Variants in CAST observed in about 807,000 individuals in gnomAD.
CAST encodes calpastatin, also known as MIR583 host.
In CAST, 76 loss-of-function variants were observed where a neutral mutation model predicts 119.6. That is an observed-to-expected ratio of 0.64 (90% CI 0.53 to 0.77). CAST has a LOEUF of 0.77. Ranked by LOEUF, CAST falls within the 30% of genes least tolerant of loss-of-function variation. CAST has a pLI of 0.00. For missense variants in CAST, 953 were observed against 946.5 expected (o/e 1.01, Z -0.09); for synonymous variants, 319 against 331.6 (o/e 0.96, Z 0.41).
the CAST span, among the ~76,000 whole-genome samples, chr5:96,190,442 C>T: frequency 6.6e-6 from 1 of 152,154 alleles, no homozygotes; most frequent in African/African-American, 2.4e-5. Flanking sequence ...AAGAACCTTC[C>T]ACAGAGTTCC....
At chr5:95,977,168 A>G in the CAST span, among the ~76,000 whole-genome samples, 1 of 152,248 alleles carries the variant, frequency 6.6e-6, no homozygotes, top group Non-Finnish European at 1.5e-5. Flanking sequence ...TAATGCCACA[A>G]ACTGGGCAAC....
chr5:96,566,393 T>C (rs1392068045), intron 1 of CAST, among the ~76,000 whole-genome samples: 1 of 152,196 alleles, frequency 6.6e-6, no homozygotes, highest in African/African-American at 2.4e-5. Flanking sequence ...AGGGAAGACA[T>C]TAGTGAAAAG....
chr5:96,335,836 T>A, the CAST span, among the ~76,000 whole-genome samples: 1 of 152,202 alleles, frequency 6.6e-6, no homozygotes, highest in Non-Finnish European at 1.5e-5. Context: ...GCCTTGACTT[T>A]TTTCTTCTCC....
chr5:96,629,320 G>A (rs1026481688), intron 1 of CAST, among the ~76,000 whole-genome samples: 1 of 152,112 alleles, frequency 6.6e-6, no homozygotes, highest in Non-Finnish European at 1.5e-5. Flanking sequence ...CCAGAACCAT[G>A]AGCTGAATAA....
the CAST span, among the ~76,000 whole-genome samples, chr5:96,386,436 G>A: frequency 6.6e-6 from 1 of 152,172 alleles, no homozygotes; most frequent in Admixed American, 6.5e-5. Flanking sequence ...GGAAAGGAAG[G>A]TTCACATTGG....
At chr5:96,012,057 A>G in the CAST span, among the ~76,000 whole-genome samples, 1 of 152,160 alleles carries the variant, frequency 6.6e-6, no homozygotes, top group African/African-American at 2.4e-5. Context: ...TAAATTAAAA[A>G]CAACTAATGA....
the CAST span, among the ~76,000 whole-genome samples, chr5:96,460,020 T>G: frequency 6.6e-6 from 1 of 152,146 alleles, no homozygotes; most frequent in African/African-American, 2.4e-5. Flanking sequence ...TGTTCTTTAG[T>G]TAACAATTCT....
chr5:96,291,843 C>CGTGTGTGTGTGTGTGTGTGT, the CAST span, among the ~76,000 whole-genome samples: 5 of 132,968 alleles, frequency 3.8e-5, no homozygotes, highest in African/African-American at 1.4e-4. Flanking sequence ...TCCCAGTCTG[C>CGTGTGTGTGTGTGTGTGTGT]GTGTGTGTGT....
intron 17 of CAST, among the ~76,000 whole-genome samples, chr5:96,746,729 T>C (rs7705827): frequency 0.24 from 36,119 of 152,164 alleles, 4,909 homozygotes; most frequent in Non-Finnish European, 0.32. Flanking sequence ...GGGGATAATT[T>C]CTTTTCTAAC....
chr5:96,265,918 TA>T, the CAST span, among the ~76,000 whole-genome samples: 1 of 151,376 alleles, frequency 6.6e-6, no homozygotes, highest in South Asian at 2.1e-4. Context: ...TTTCATTAGT[TA>T]AAAAAAAACT....
At chr5:96,650,031 A>T (rs1748072238) in intron 1 of CAST, among the ~76,000 whole-genome samples, 1 of 152,236 alleles carries the variant, frequency 6.6e-6, no homozygotes, top group Non-Finnish European at 1.5e-5. Context: ...ACAGTTGAAG[A>T]ATCTGAGTCA....
At chr5:96,642,484 T>A (rs1459726531) in intron 1 of CAST, among the ~76,000 whole-genome samples, 2 of 151,982 alleles carry the variant, frequency 1.3e-5, no homozygotes, top group Admixed American at 6.5e-5. Context: ...TTTGTGGCAC[T>A]ATTTGCATTG....
At chr5:96,345,299 A>G in the CAST span, among the ~76,000 whole-genome samples, 1 of 151,836 alleles carries the variant, frequency 6.6e-6, no homozygotes, top group Non-Finnish European at 1.5e-5. Flanking sequence ...TCTTTTTTGA[A>G]GAGTCCCTAA....
At chr5:96,752,552 AACCTCAGGGATT>A in intron 20 of CAST, among the ~76,000 whole-genome samples, 1 of 7,028 alleles carries the variant, frequency 1.4e-4, no homozygotes, top group Non-Finnish European at 3.0e-4. Context: ...CCTCAGGGAT[AACCTCAGGGATT>A]TTTTTTTTTT....
At chr5:96,358,481 T>G in the CAST span, among the ~76,000 whole-genome samples, 1 of 152,190 alleles carries the variant, frequency 6.6e-6, no homozygotes, top group South Asian at 2.1e-4. Context: ...GCTATAAATT[T>G]CCCCCTAAAC....
intron 1 of CAST, among the ~76,000 whole-genome samples, chr5:96,617,523 C>T (rs995070460): frequency 6.6e-6 from 1 of 152,010 alleles, no homozygotes; most frequent in South Asian, 2.1e-4. Flanking sequence ...GGCACGGTGG[C>T]TCATGCCTGT....
intron 1 of CAST, among the ~76,000 whole-genome samples, chr5:96,636,970 G>A (rs1282724161): frequency 1.3e-5 from 2 of 149,428 alleles, no homozygotes; most frequent in African/African-American, 2.5e-5. Flanking sequence ...GATCCTGGCA[G>A]GGGGGTCAGA....
the CAST span, among the ~76,000 whole-genome samples, chr5:96,066,042 T>G: frequency 6.6e-6 from 1 of 152,260 alleles, no homozygotes; most frequent in Middle Eastern, 3.4e-3. Flanking sequence ...CTGTTAAAGC[T>G]TTGTTAAGCA....
At chr5:96,554,152 C>T (rs554826864) in intron 1 of CAST, among the ~76,000 whole-genome samples, 4 of 152,202 alleles carry the variant, frequency 2.6e-5, no homozygotes, top group Non-Finnish European at 5.9e-5. Flanking sequence ...TGACTTCAAA[C>T]TTTACTACAA....
Sources: allele counts gnomAD v4.1 joint callset (sites outside exome capture counted in the v4.1 genomes callset), GRCh38; gene constraint gnomAD v4.1.1; transcripts MANE v1.5; gene names NCBI Gene and HGNC (gene_info 2026-07-23, HGNC 2026-07-21).